Variants in CUL4A observed in about 807,000 individuals in gnomAD.
CUL4A encodes cullin-4A.
In CUL4A, 16 loss-of-function variants were observed where a neutral mutation model predicts 95.5. The ratio of observed to expected loss-of-function variants is 0.17; its 90% confidence interval spans 0.11 to 0.25. The LOEUF (loss-of-function observed/expected upper bound fraction) is 0.25, where lower values mean the gene tolerates loss of function less well. Ranked by LOEUF, CUL4A falls within the 10% of genes least tolerant of loss-of-function variation. The pLI, the probability that CUL4A is intolerant of heterozygous loss-of-function variation, is 1.00. For missense variants in CUL4A, 610 were observed against 937.0 expected, an observed-to-expected ratio of 0.65 and a Z score of 4.56; for synonymous variants, 380 against 353.1, an observed-to-expected ratio of 1.08 and a Z score of -0.85.
intron 9 of CUL4A, among the ~76,000 whole-genome samples, chr13:113,237,581 T>G (rs1024009495): frequency 4.6e-5 from 7 of 152,124 alleles, no homozygotes; most frequent in African/African-American, 1.7e-4. Flanking sequence ...CTATGAAAAT[T>G]ACAATGAGCA....
chr13:113,214,551 C>G (rs1421501735), intron 2 of CUL4A, among the ~76,000 whole-genome samples: 1 of 152,062 alleles, frequency 6.6e-6, no homozygotes, highest in Non-Finnish European at 1.5e-5. Context: ...TGTGGCCTCC[C>G]TATGTTGTCC....
intron 5 of CUL4A, among the ~76,000 whole-genome samples, chr13:113,231,941 GCTGCCACCA>G (rs962396386): frequency 6.7e-4 from 102 of 151,878 alleles, no homozygotes; most frequent in Non-Finnish European, 1.0e-3. Flanking sequence ...CACTGCGGCT[GCTGCCACCA>G]CTGCCACCAT....
rs2041504175 is a variant in CUL4A, at chr13:113,235,341, G to A, written c.848+196G>A. On this transcript the variant is annotated intron_variant, in intron 8 of 19. Coordinates refer to ENST00000375440, the MANE Select transcript of CUL4A (RefSeq NM_001008895.4). ...CAGTTTTTACCCAGTGCCTTGTCAT[G>A]AGTTACGTCTAAAGAGAGTAAATCT... 2.0e-5 allele frequency among the ~76,000 whole-genome samples: 3 copies of A among 152,228 alleles called. No homozygotes were observed. In the South Asian group the frequency reaches 6.2e-4, roughly 32 times the overall value.
chr13:113,256,528 C>T (rs1347752778), intron 18 of CUL4A, among the ~76,000 whole-genome samples: 3 of 152,182 alleles, frequency 2.0e-5, no homozygotes, highest in African/African-American at 7.2e-5. Context: ...TCTGCCCCCA[C>T]CTCCACCTGT....
chr13:113,225,601 G>A (rs1214765685), intron 3 of CUL4A, among the ~76,000 whole-genome samples: 3 of 152,178 alleles, frequency 2.0e-5, no homozygotes, highest in Admixed American at 6.5e-5. Context: ...GTTTAACCCC[G>A]TTAAGTTTAA....
At chr13:113,217,213 CTAA>C (rs1567014368) in intron 2 of CUL4A, among the ~76,000 whole-genome samples, 2 of 152,128 alleles carry the variant, frequency 1.3e-5, no homozygotes, top group African/African-American at 4.8e-5. Context: ...GTGGGATTCA[CTAA>C]TGTTTAACTA....
intron 15 of CUL4A, among the ~76,000 whole-genome samples, chr13:113,252,034 C>G (rs1187474524): frequency 6.6e-6 from 1 of 152,048 alleles, no homozygotes; most frequent in Non-Finnish European, 1.5e-5. Flanking sequence ...CAGACAGGAT[C>G]AAGCTGAAGA....
At chr13:113,260,425 C>T (rs1470239526) in intron 18 of CUL4A, among the ~76,000 whole-genome samples, 182 bp from the exon 19 acceptor site, 1 of 151,602 alleles carries the variant, frequency 6.6e-6, no homozygotes, top group African/African-American at 2.4e-5. Context: ...CAGCAGGTGC[C>T]TGTGATCCCA....
At chr13:113,257,310 CCTTTT>C (rs1444894926) in intron 18 of CUL4A, among the ~76,000 whole-genome samples, 1 of 152,006 alleles carries the variant, frequency 6.6e-6, no homozygotes, top group Admixed American at 6.5e-5. Context: ...AATATAGTCT[CCTTTT>C]CTTTTATGGT....
intron 14 of CUL4A, 113 bp from the exon 15 acceptor site, chr13:113,245,843 A>G: frequency 1.2e-6 from 1 of 825,688 alleles, no homozygotes; most frequent in Non-Finnish European, 1.9e-6. Context: ...GGACTGAGAT[A>G]AATTCTAACA....
At chr13:113,235,709 G>A (rs562403899) in intron 8 of CUL4A, among the ~76,000 whole-genome samples, 14 of 152,140 alleles carry the variant, frequency 9.2e-5, no homozygotes, top group South Asian at 2.1e-4. Context: ...GGTGGCTCAG[G>A]CCTGTAATCC....
intron 5 of CUL4A, among the ~76,000 whole-genome samples, chr13:113,231,983 C>A (rs2041329628): frequency 1.3e-5 from 2 of 150,908 alleles, no homozygotes; most frequent in East Asian, 3.9e-4. Flanking sequence ...AATACTACCA[C>A]CACCACCCGC....
chr13:113,219,655 T>C (rs377094193), intron 3 of CUL4A: 1 of 152,532 alleles, frequency 6.6e-6, no homozygotes, highest in Admixed American at 6.5e-5. Context: ...ACGACTCTTT[T>C]CTGCTTCTAG....
chr13:113,243,095 A>G lies in CUL4A; in HGVS notation c.1163A>G (p.Asn388Ser), dbSNP rs1337732765. 30 of 1,614,232 alleles carry G rather than the reference A, an allele frequency of 1.9e-5. No individual in the cohort carries two copies. The highest frequency in any genetic ancestry group is 2.5e-5 in the Non-Finnish European group (29 of 1,180,036). ...VCFQKNERFV[N>S]LMKESFETFI... is the part of the protein sequence containing the mutation. ...TTCCAGAAGAATGAGCGGTTCGTCA[A>G]CCTGATGAAGGAGTCCTTTGAGACG... The change falls in exon 11 of 20, where the codon AAC (asparagine) becomes AGC (serine). Residue 388 changes from asparagine (N) to serine (S), a missense_variant. Physicochemically the swap from Asn to Ser is conservative, Grantham distance 46. Transcript: ENST00000375440.
At chr13:113,256,926 G>GTT (rs951070829) in intron 18 of CUL4A, among the ~76,000 whole-genome samples, 1,724 of 47,262 alleles carry the variant, frequency 0.036, 185 homozygotes, top group East Asian at 0.046. Flanking sequence ...TTTTTTTTTC[G>GTT]TTTTTTTTTT....
At position 113,254,675 on chromosome 13, in the gene CUL4A, T is replaced by C. The variant is rs2042077101; in HGVS notation, c.1753-18T>C. Reference sequence around the variant, plus strand: ...TACATGCACAGCTTCAGAGGTGTGATGAGGCCTTCTCTTCCAGGGGAAGAA... The same window carrying C: ...TACATGCACAGCTTCAGAGGTGTGACGAGGCCTTCTCTTCCAGGGGAAGAA... On this transcript the variant is annotated intron_variant, in intron 16 of 19. Coordinates refer to ENST00000375440, the MANE Select transcript of CUL4A (RefSeq NM_001008895.4). 6.6e-6 allele frequency: 10 copies of C among 1,509,422 alleles called. No individual in the cohort carries two copies. The highest frequency in any genetic ancestry group is 9.1e-6 in the Non-Finnish European group (10 of 1,093,046). The allele number at this position is 1,509,422 out of a possible 1,614,324, so 93.5% of individuals were successfully genotyped here.
intron 3 of CUL4A, among the ~76,000 whole-genome samples, chr13:113,223,314 C>T (rs1326769528): frequency 1.3e-5 from 2 of 152,184 alleles, no homozygotes; most frequent in Admixed American, 6.5e-5. Flanking sequence ...ATTCCAAGGT[C>T]TGCATATTCA....
At chr13:113,251,621 CTGGT>C (rs960771064) in intron 15 of CUL4A, among the ~76,000 whole-genome samples, 6 of 152,108 alleles carry the variant, frequency 3.9e-5, no homozygotes, top group African/African-American at 1.4e-4. Context: ...CTCATGAGAT[CTGGT>C]TGTTTAAAAG....
intron 15 of CUL4A, among the ~76,000 whole-genome samples, chr13:113,251,979 C>G (rs1029765497): frequency 2.0e-5 from 3 of 152,106 alleles, no homozygotes; most frequent in African/African-American, 7.2e-5. Context: ...TGAGCCCTTG[C>G]GTGCGCAGCA....
Sources: gnomAD v4.1 joint callset for allele counts (sites outside exome capture counted in the v4.1 genomes callset) on GRCh38, gnomAD v4.1.1 for gene constraint, MANE v1.5 for transcripts, NCBI Gene and HGNC (gene_info 2026-07-23, HGNC 2026-07-21) for gene names.